Variants in SRGAP1 observed in about 807,000 individuals in gnomAD.
SRGAP1 encodes SLIT-ROBO Rho GTPase activating protein 1.
In SRGAP1, 43 loss-of-function variants were observed where a neutral mutation model predicts 121.9. The ratio of observed to expected loss-of-function variants is 0.35; its 90% CI spans 0.28 to 0.46. The LOEUF (loss-of-function observed/expected upper bound fraction) is 0.46, where lower values mean the gene tolerates loss of function less well. SRGAP1 is among the 20% of genes least tolerant of loss of function. The pLI is 1.00. For missense variants in SRGAP1, 1,102 were observed against 1,350.9 expected, an observed-to-expected ratio of 0.82 and a Z score of 2.89; for synonymous variants, 447 against 485.4, an observed-to-expected ratio of 0.92 and a Z score of 1.04.
In SRGAP1 at chr12:64,042,918, G is replaced by A. The variant is rs752451095; in HGVS notation, c.618G>A (p.Glu206=). The A allele has an allele frequency of 5.6e-6, 9 of 1,613,914 alleles. No individual in the cohort carries two copies. The highest frequency in any genetic ancestry group is 1.7e-5 in the Admixed American group (1 of 59,992). Reference sequence around the variant, plus strand: ...ATCCAGTCTTCCATATTCGACTAGAGGAGAGACATCAACGGCGAAGCTCTG... The same window carrying A: ...ATCCAGTCTTCCATATTCGACTAGAAGAGAGACATCAACGGCGAAGCTCTG... ...SGDPVFHIRL[E]ERHQRRSSVK... The change falls in exon 5 of 22, where the codon GAG becomes GAA. Residue 206 remains glutamate, a synonymous_variant. Coordinates refer to ENST00000355086, the MANE Select transcript of SRGAP1 (RefSeq NM_020762.4).
At chr12:63,855,477 T>TTTTTTGTTTTTTTTTG (rs1899211333) in intron 1 of SRGAP1, among the ~76,000 whole-genome samples, 1 of 63,022 alleles carries the variant, frequency 1.6e-5, no homozygotes, top group African/African-American at 7.9e-5. Context: ...AATGGTGTTT[T>TTTTTTGTTTTTTTTTG]TTTTTTTTTT....
intron 4 of SRGAP1, among the ~76,000 whole-genome samples, chr12:64,037,783 C>T (rs1429382974): frequency 6.6e-6 from 1 of 152,198 alleles, no homozygotes; most frequent in Non-Finnish European, 1.5e-5. Context: ...ATCAAAGGCC[C>T]ATTTTTTAGT....
chr12:63,860,882 G>A (rs1899421642), intron 1 of SRGAP1, among the ~76,000 whole-genome samples: 1 of 150,988 alleles, frequency 6.6e-6, no homozygotes, highest in Admixed American at 6.6e-5. Flanking sequence ...CTGGAGTGCA[G>A]TGCTTTTCAC....
At chr12:63,854,116 G>C (rs1899162302) in intron 1 of SRGAP1, among the ~76,000 whole-genome samples, 1 of 152,104 alleles carries the variant, frequency 6.6e-6, no homozygotes, top group Admixed American at 6.6e-5. Flanking sequence ...AGCCACCCAG[G>C]TTAAGAAAGA....
In SRGAP1 at chr12:64,157,320, C is replaced by T. The variant is rs2037171232; in HGVS notation, c.*14648C>T. 6.6e-6 allele frequency: 1 copy of T among 152,130 alleles called. No individual in the cohort carries two copies. The highest frequency in any genetic ancestry group is 1.5e-5 in the Non-Finnish European group (1 of 68,042). The allele number at this position is 152,130 out of a possible 1,614,324, so 9.4% of individuals were successfully genotyped here. A position where few individuals can be genotyped will look rare whatever the true frequency, so the allele number is the denominator to read the frequency against. ...TGATGCTAGCTGCTGTAACAAACAA[C>T]CCCCCAAACTCAGTAACACAATCAA... On this transcript the variant is annotated 3_prime_UTR_variant, in exon 22 of 22. Transcript: ENST00000355086.
rs2034997949 is a variant in SRGAP1, at chr12:64,040,697, G to C, written c.490-2093G>C. ...TTACTCTCCTGTACCTAAGAATACA[G>C]AGATTACATACCGATTTATAGGTAC... On this transcript the variant is annotated intron_variant, in intron 4 of 21. Transcript: ENST00000355086. Among the ~76,000 whole-genome samples the C allele has an allele frequency of 3.3e-5, 5 of 152,128 alleles. No individual in the cohort carries two copies. The South Asian group carries it at 1.0e-3, about 32-fold the overall frequency.
chr12:64,122,521 TCTG>T (rs1050884856), intron 18 of SRGAP1, among the ~76,000 whole-genome samples: 1 of 152,236 alleles, frequency 6.6e-6, no homozygotes, highest in African/African-American at 2.4e-5. Flanking sequence ...AATAAAATGT[TCTG>T]CTGATTTATC....
intron 15 of SRGAP1, among the ~76,000 whole-genome samples, chr12:64,099,601 G>A (rs1321897584): frequency 1.3e-5 from 2 of 152,086 alleles, no homozygotes; most frequent in Admixed American, 6.5e-5. Flanking sequence ...CCATTCCACG[G>A]CCCTTGCGTA....
chr12:64,119,082 G>A (rs1464212939), intron 18 of SRGAP1, among the ~76,000 whole-genome samples: 8 of 152,108 alleles, frequency 5.3e-5, no homozygotes, highest in Non-Finnish European at 2.9e-5. Context: ...TTTATTTGGG[G>A]GTATGGGATG....
At chr12:63,959,778 C>T (rs139131751) in intron 1 of SRGAP1, among the ~76,000 whole-genome samples, 1 of 152,270 alleles carries the variant, frequency 6.6e-6, no homozygotes, top group Non-Finnish European at 1.5e-5. Context: ...ATTCTTATCT[C>T]TCCTTTAAAG....
At chr12:63,870,228 T>C (rs2136276021) in intron 1 of SRGAP1, among the ~76,000 whole-genome samples, 1 of 152,330 alleles carries the variant, frequency 6.6e-6, no homozygotes, top group African/African-American at 2.4e-5. Context: ...GTTTTATTAT[T>C]ACCTCAATGG....
chr12:63,954,677 C>CAAAAAAAAAAAAA (rs60508657), intron 1 of SRGAP1, among the ~76,000 whole-genome samples: 2 of 104,608 alleles, frequency 1.9e-5, no homozygotes, highest in African/African-American at 3.6e-5. Context: ...GACTCCATCT[C>CAAAAAAAAAAAAA]AAAAAAAAAA....
chr12:63,911,330 C>A (rs1435702294), intron 1 of SRGAP1, among the ~76,000 whole-genome samples: 1 of 151,230 alleles, frequency 6.6e-6, no homozygotes, highest in Non-Finnish European at 1.5e-5. Flanking sequence ...AAAGAAAACA[C>A]CTCAATAACT....
intron 1 of SRGAP1, among the ~76,000 whole-genome samples, chr12:63,967,231 A>C (rs960616905): frequency 7.9e-5 from 12 of 152,176 alleles, no homozygotes; most frequent in Non-Finnish European, 1.5e-4. Context: ...ACTTCTCCCC[A>C]GGAGTTCAAG....
chr12:63,905,862 A>G lies in SRGAP1; in HGVS notation c.67+60979A>G, dbSNP rs200133404. ...ATCAGGATGGTGTGCTCAGTGCGCT[A>G]TATTTAAAAGGTTAGACTCAATCAG... On this transcript the variant is annotated intron_variant, in intron 1 of 21. Transcript: ENST00000355086. Among the ~76,000 whole-genome samples the G allele has an allele frequency of 5.3e-5, 8 of 152,316 alleles. No individual in the cohort carries two copies. The East Asian group carries it at 7.7e-4, about 15-fold the overall frequency.
intron 3 of SRGAP1, among the ~76,000 whole-genome samples, chr12:63,991,967 T>G (rs753204725): frequency 2.7e-4 from 41 of 152,168 alleles, no homozygotes; most frequent in Non-Finnish European, 5.4e-4. Flanking sequence ...AGATCTTAAC[T>G]CTACCTAGGG....
chr12:63,997,360 A>T (rs976986042), intron 3 of SRGAP1, among the ~76,000 whole-genome samples: 1 of 152,032 alleles, frequency 6.6e-6, no homozygotes, highest in Non-Finnish European at 1.5e-5. Flanking sequence ...ACACTCTATG[A>T]TGTTCACACA....
chr12:64,063,928 C>T (rs917507032), intron 7 of SRGAP1, among the ~76,000 whole-genome samples: 1 of 151,308 alleles, frequency 6.6e-6, no homozygotes, highest in Admixed American at 6.6e-5. Context: ...AAAATATATA[C>T]ATGTTTTTAT....
chr12:63,893,692 A>G (rs1057109535), intron 1 of SRGAP1, among the ~76,000 whole-genome samples: 1 of 152,200 alleles, frequency 6.6e-6, no homozygotes, highest in Non-Finnish European at 1.5e-5. Context: ...AAATCCTTGC[A>G]TCACTAAGTC....
Sources: gnomAD v4.1 joint callset for allele counts (sites outside exome capture counted in the v4.1 genomes callset) on GRCh38, gnomAD v4.1.1 for gene constraint, MANE v1.5 for transcripts, NCBI Gene and HGNC (gene_info 2026-07-23, HGNC 2026-07-21) for gene names.